Variants in SKA1 observed in about 807,000 individuals in gnomAD.
SKA1 encodes the protein spindle and kinetochore associated complex subunit 1.
Under a neutral mutation model 31.8 loss-of-function variants are expected in SKA1, and 20 were observed. That is an observed-to-expected ratio of 0.63 (90% CI 0.44 to 0.91). The LOEUF is 0.91. Ranked by LOEUF, SKA1 falls within the 40% of genes least tolerant of loss-of-function variation. SKA1 has a pLI of 0.00. For synonymous variants in SKA1, 88 were observed against 100.5 expected, an observed-to-expected ratio of 0.88 and a Z score of 0.74; for missense variants, 253 against 298.2, an observed-to-expected ratio of 0.85 and a Z score of 1.12.
chr18:50,378,743 C>T (rs1283182591), intron 2 of SKA1, among the ~76,000 whole-genome samples: 4 of 151,470 alleles, frequency 2.6e-5, no homozygotes, highest in Admixed American at 6.6e-5. Context: ...GTTGAGATAC[C>T]AGTGTATGGG....
rs2041380075 is a variant in SKA1 at position 50,393,874 on chromosome 18, TG to T, written c.*1629del. ...CTGCTCACAAAGACCACATCATGAT[TG>T]GAAGTTTCAAACTTTCAGTCTCCCA... On this transcript the variant is annotated 3_prime_UTR_variant, in exon 7 of 7. Coordinates refer to ENST00000285116, the MANE Select transcript of SKA1 (RefSeq NM_145060.4). 1 of 152,156 alleles carries T rather than the reference TG, an allele frequency of 6.6e-6. No individual in the cohort carries two copies. The highest frequency in any genetic ancestry group is 1.5e-5 in the Non-Finnish European group (1 of 68,024). The allele number at this position is 152,156 out of a possible 1,614,324, so 9.4% of individuals were successfully genotyped here. A position where few individuals can be genotyped will look rare whatever the true frequency, so the allele number is the denominator to read the frequency against.
At chr18:50,383,601 T>A (rs971667730) in intron 4 of SKA1, among the ~76,000 whole-genome samples, 25 of 152,244 alleles carry the variant, frequency 1.6e-4, no homozygotes, top group Admixed American at 4.6e-4. Flanking sequence ...ATCTTTATCC[T>A]GTCTTGCTCT....
Position 50,392,759 on chromosome 18 carries a change from T to C in SKA1, c.*512T>C, listed in dbSNP as rs568017890. On this transcript the variant is annotated 3_prime_UTR_variant, in exon 7 of 7. Coordinates refer to ENST00000285116, the MANE Select transcript of SKA1 (RefSeq NM_145060.4). ...CTTTTTTTTTTTTTTTGAGACAGTC[T>C]CGCTCTTTCACCCAGGCCGGACTGC... 4 of 148,670 alleles carry C rather than the reference T, an allele frequency of 2.7e-5. No homozygotes were observed. In the Admixed American group the frequency reaches 2.7e-4, roughly 10 times the overall value. 9.2% of individuals were successfully genotyped at this position (148,670 alleles called of 1,614,324 possible).
intron 2 of SKA1, among the ~76,000 whole-genome samples, chr18:50,376,989 T>A (rs1599721800): frequency 6.6e-6 from 1 of 152,052 alleles, no homozygotes; most frequent in Non-Finnish European, 1.5e-5. Context: ...GTGATAACAA[T>A]GCCTTCTGGA....
intron 4 of SKA1, among the ~76,000 whole-genome samples, chr18:50,384,870 T>A (rs868225507): frequency 0.51 from 30,943 of 61,050 alleles, 5,602 homozygotes; most frequent in Admixed American, 0.59. Context: ...AAAAAAAAAA[T>A]TAAAAAAAAA....
At chr18:50,383,836 G>A (rs574176333) in intron 4 of SKA1, among the ~76,000 whole-genome samples, 1 of 152,314 alleles carries the variant, frequency 6.6e-6, no homozygotes, top group South Asian at 2.1e-4. Flanking sequence ...ACAAGTACAG[G>A]TACGATTCAG....
At chr18:50,379,598 C>T (rs1568328114) in intron 2 of SKA1, among the ~76,000 whole-genome samples, 1 of 152,142 alleles carries the variant, frequency 6.6e-6, no homozygotes, top group East Asian at 1.9e-4. Context: ...TCACTTCCAA[C>T]ACCCTGTGTT....
chr18:50,387,092 C>G (rs1008462484), intron 5 of SKA1, among the ~76,000 whole-genome samples: 2 of 152,196 alleles, frequency 1.3e-5, no homozygotes, highest in African/African-American at 4.8e-5. Flanking sequence ...TTGTAAAAAC[C>G]TGCCAATGGC....
intron 5 of SKA1, among the ~76,000 whole-genome samples, chr18:50,387,278 G>A (rs1375697644): frequency 6.6e-6 from 1 of 152,206 alleles, no homozygotes; most frequent in African/African-American, 2.4e-5. Flanking sequence ...CATCTTTTCA[G>A]CAAGTACTGC....
intron 4 of SKA1, among the ~76,000 whole-genome samples, chr18:50,384,871 T>TACAAAAAAAAAAAAAAAAAAAAA (rs2041291911): frequency 1.2e-5 from 1 of 82,600 alleles, no homozygotes; most frequent in Non-Finnish European, 2.1e-5. Context: ...AAAAAAAAAT[T>TACAAAAAAAAAAAAAAAAAAAAA]AAAAAAAAAA....
chr18:50,378,107 T>C (rs115828547), intron 2 of SKA1, among the ~76,000 whole-genome samples: 1,638 of 152,334 alleles, frequency 0.011, 27 homozygotes, highest in African/African-American at 0.037. Flanking sequence ...AAAAGACTTT[T>C]AGATGTTTAA....
intron 5 of SKA1, among the ~76,000 whole-genome samples, chr18:50,390,377 A>G (rs140404708): frequency 9.2e-5 from 14 of 152,364 alleles, no homozygotes; most frequent in African/African-American, 2.6e-4. Context: ...CAGATCATCA[A>G]GTTTTGTTTT....
chr18:50,392,124 CAT>C lies in SKA1; in HGVS notation c.647_648del (p.Ile216LysfsTer9). ...KGRYFIVEAD[I>X]KEFTTLKADK... The stretch of plus-strand genomic sequence containing the variant: ...GTCGTTATTTTATAGTGGAAGCTGA[CAT>C]AAAGGAGTTCACAACTTTGAAAGCT... On this transcript the variant is annotated frameshift_variant, in exon 7 of 7. Coordinates refer to ENST00000285116, the MANE Select transcript of SKA1 (RefSeq NM_145060.4). LOFTEE classifies it high-confidence loss of function. 1 of 1,599,400 alleles carries C rather than the reference CAT, an allele frequency of 6.3e-7. No homozygotes were observed. Among genetic ancestry groups the C allele is most frequent in the Non-Finnish European group, 8.5e-7 (1 of 1,176,354 alleles).
Position 50,391,253 on chromosome 18 carries a change from C to G in SKA1, c.579C>G (p.Leu193=). Residue 193 remains leucine (L), a synonymous_variant, in exon 6 of 7, where the codon CTC becomes CTG. Coordinates refer to ENST00000285116, the MANE Select transcript of SKA1 (RefSeq NM_145060.4). The stretch of plus-strand genomic sequence containing the variant: ...CTATGAATTCTGTGACCAGAAATCT[C>G]TATCACAGATTTATTGATGAAGAAA... ...KKSMNSVTRN[L]YHRFIDEETK... The G allele has an allele frequency of 1.2e-6, 2 of 1,603,468 alleles. No homozygotes were observed. The highest frequency in any genetic ancestry group is 2.3e-5 in the South Asian group (2 of 88,086).
At chr18:50,380,771 T>C (rs1353431791) in intron 3 of SKA1, among the ~76,000 whole-genome samples, 1 of 152,230 alleles carries the variant, frequency 6.6e-6, no homozygotes, top group East Asian at 1.9e-4. Flanking sequence ...CTCATTCACA[T>C]GCACATTTTA....
chr18:50,387,260 A>T (rs2041316953), intron 5 of SKA1, among the ~76,000 whole-genome samples: 1 of 152,218 alleles, frequency 6.6e-6, no homozygotes, highest in Non-Finnish European at 1.5e-5. Flanking sequence ...GTGACATTTG[A>T]CATTGAGCAT....
At chr18:50,388,773 C>T (rs1402696891) in intron 5 of SKA1, among the ~76,000 whole-genome samples, 1 of 152,036 alleles carries the variant, frequency 6.6e-6, no homozygotes, top group African/African-American at 2.4e-5. Flanking sequence ...TTACTTTTTC[C>T]TTCCTCTTGC....
intron 5 of SKA1, among the ~76,000 whole-genome samples, chr18:50,388,842 G>C (rs1204041873): frequency 6.6e-6 from 1 of 152,092 alleles, no homozygotes; most frequent in East Asian, 1.9e-4. Context: ...GGAAGGCAGG[G>C]GTGGTTCCTG....
Position 50,382,121 on chromosome 18 carries a change from A to G in SKA1, c.214-8A>G. ...AGAGACTTATTTGTGAGCACTTTTA[A>G]ATTTTAGGAACTCTGTGAATCTCTT... On this transcript the variant is annotated splice_region_variant and splice_polypyrimidine_tract_variant and intron_variant, in intron 3 of 6. Transcript: ENST00000285116. The G allele has an allele frequency of 6.7e-7, 1 of 1,487,256 alleles. No homozygotes were observed. The highest frequency in any genetic ancestry group is 9.0e-7 in the Non-Finnish European group (1 of 1,105,454). The allele number at this position is 1,487,256 out of a possible 1,614,324, so 92.1% of individuals were successfully genotyped here.
Sources: gnomAD v4.1 joint callset for allele counts (sites outside exome capture counted in the v4.1 genomes callset) on GRCh38, gnomAD v4.1.1 for gene constraint, MANE v1.5 for transcripts, NCBI Gene and HGNC (gene_info 2026-07-23, HGNC 2026-07-21) for gene names.